TDRD5: variants seen among roughly 807,000 people sequenced by gnomAD.
TDRD5 encodes tudor domain containing 5.
TDRD5 carries 41 observed loss-of-function variants against 120.6 expected under a neutral mutation model. That is an observed-to-expected ratio of 0.34 (90% CI 0.26 to 0.44). TDRD5 has a LOEUF of 0.44. Ranked by LOEUF, TDRD5 falls within the 20% of genes least tolerant of loss-of-function variation. The pLI, the probability that TDRD5 is intolerant of heterozygous loss-of-function variation, is 1.00. For synonymous variants in TDRD5, 430 were observed against 433.7 expected (o/e 0.99, Z 0.11); for missense variants, 1,006 against 1,221.2 (o/e 0.82, Z 2.63).
chr1:179,612,894 C>G (rs2101950073), intron 4 of TDRD5, among the ~76,000 whole-genome samples: 1 of 149,586 alleles, frequency 6.7e-6, no homozygotes, highest in South Asian at 2.1e-4. Flanking sequence ...CGAGACTGTG[C>G]CATTGCACTG....
intron 17 of TDRD5, among the ~76,000 whole-genome samples, chr1:179,687,647 A>G (rs1458066513): frequency 6.6e-6 from 1 of 152,126 alleles, no homozygotes; most frequent in East Asian, 1.9e-4. Flanking sequence ...GTGGGGTGTT[A>G]AAGTCTCCCA....
intron 4 of TDRD5, among the ~76,000 whole-genome samples, chr1:179,617,205 T>C (rs1676606436): frequency 6.6e-6 from 1 of 152,100 alleles, no homozygotes; most frequent in Admixed American, 6.5e-5. Flanking sequence ...ATAAACTTGA[T>C]AGGGAGCCAT....
intron 2 of TDRD5, 62 bp downstream of exon 2, chr1:179,592,909 A>T (rs1472668521): frequency 2.0e-6 from 3 of 1,498,112 alleles, no homozygotes; most frequent in African/African-American, 2.8e-5. Flanking sequence ...TTAGTAAATA[A>T]TTATTCTAGT....
At chr1:179,657,466 A>G (rs1247476549) in intron 14 of TDRD5, among the ~76,000 whole-genome samples, 1 of 151,984 alleles carries the variant, frequency 6.6e-6, no homozygotes, top group Non-Finnish European at 1.5e-5. Context: ...TATCCATTCT[A>G]GGGGGTGTTT....
intron 17 of TDRD5, among the ~76,000 whole-genome samples, chr1:179,676,857 G>A (rs772202845): frequency 2.0e-5 from 3 of 152,120 alleles, no homozygotes; most frequent in Admixed American, 6.5e-5. Flanking sequence ...GAATTTCCCA[G>A]GTGTTCTTTG....
chr1:179,596,902 ACTTTC>A (rs1364291756), intron 4 of TDRD5, among the ~76,000 whole-genome samples: 1 of 152,204 alleles, frequency 6.6e-6, no homozygotes, highest in African/African-American at 2.4e-5. Flanking sequence ...TGGCTGTATG[ACTTTC>A]CTTTCCCATT....
In TDRD5 at chr1:179,637,558, G is replaced by GCT. The variant is rs1238963158; in HGVS notation, c.1520+1672_1520+1673insTC. On this transcript the variant is annotated intron_variant, in intron 9 of 17. Coordinates refer to ENST00000444136, the MANE Select transcript of TDRD5 (RefSeq NM_001199085.3). ...GCCCAGAAGTTCAAGATTCATCTGG[G>GCT]CAACATAGTGAGACCCTGTATCTAC... Among the ~76,000 whole-genome samples the GCT allele has an allele frequency of 3.3e-5, 5 of 152,006 alleles. 1 individual carries two copies. Among genetic ancestry groups the GCT allele is most frequent in the African/African-American group, 1.2e-4 (5 of 41,354 alleles).
intron 11 of TDRD5, among the ~76,000 whole-genome samples, chr1:179,649,506 C>G (rs575514701): frequency 1.3e-5 from 2 of 152,142 alleles, no homozygotes; most frequent in Non-Finnish European, 2.9e-5. Flanking sequence ...TTAATTATAT[C>G]TGATCTGTTA....
chr1:179,615,906 C>A (rs1313153819), intron 4 of TDRD5, among the ~76,000 whole-genome samples: 1 of 151,860 alleles, frequency 6.6e-6, no homozygotes, highest in Non-Finnish European at 1.5e-5. Context: ...TGAGGCTTTG[C>A]AGGCTAAATA....
rs145357231 is a variant in TDRD5 at position 179,592,714 on chromosome 1, G to A, written c.99G>A (p.Lys33=). The part of the protein sequence containing the change: ...KDGLSPQELE[K]EYLLMVGNHL... ...GTTTGAGCCCACAGGAGTTGGAGAA[G>A]GAGTACCTTTTGATGGTTGGCAACC... Residue 33 remains lysine, a synonymous_variant, in exon 2 of 18, where the codon AAG becomes AAA. Coordinates refer to ENST00000444136, the MANE Select transcript of TDRD5 (RefSeq NM_001199085.3). The A allele has an allele frequency of 1.2e-6, 2 of 1,614,004 alleles. No homozygotes were observed. The highest frequency in any genetic ancestry group is 1.7e-5 in the Admixed American group (1 of 59,982).
intron 6 of TDRD5, among the ~76,000 whole-genome samples, chr1:179,624,814 C>T (rs1319380327): frequency 6.6e-6 from 1 of 152,060 alleles, no homozygotes. Context: ...AACATGATAA[C>T]ATTAATGTAT....
intron 4 of TDRD5, among the ~76,000 whole-genome samples, chr1:179,602,153 A>G (rs1309475433): frequency 6.6e-6 from 1 of 152,172 alleles, no homozygotes; most frequent in African/African-American, 2.4e-5. Flanking sequence ...CTTAGCAGCT[A>G]TACTAGTTTA....
At chr1:179,596,564 C>A (rs1039986228) in intron 4 of TDRD5, among the ~76,000 whole-genome samples, 11 of 152,160 alleles carry the variant, frequency 7.2e-5, no homozygotes, top group African/African-American at 2.7e-4. Context: ...TAAATGGAAT[C>A]AAACAATATC....
chr1:179,632,189 AG>A (rs1677494239), intron 7 of TDRD5, among the ~76,000 whole-genome samples: 1 of 152,064 alleles, frequency 6.6e-6, no homozygotes, highest in Non-Finnish European at 1.5e-5. Context: ...TACAGGCGTG[AG>A]ACACCACTCC....
intron 17 of TDRD5, among the ~76,000 whole-genome samples, chr1:179,671,737 C>A (rs1295943822): frequency 6.6e-6 from 1 of 151,970 alleles, no homozygotes; most frequent in East Asian, 1.9e-4. Flanking sequence ...TCCCTCGAAA[C>A]CCCCCACCCT....
At chr1:179,653,912 A>G (rs1466471976) in intron 13 of TDRD5, among the ~76,000 whole-genome samples, 2 of 152,190 alleles carry the variant, frequency 1.3e-5, no homozygotes, top group African/African-American at 4.8e-5. Context: ...GACTGATTCT[A>G]GGTCTTTCCA....
At chr1:179,643,702 C>G (rs1201643848) in intron 11 of TDRD5, among the ~76,000 whole-genome samples, 2 of 152,036 alleles carry the variant, frequency 1.3e-5, no homozygotes, top group African/African-American at 4.8e-5. Context: ...TTAAGGAAGT[C>G]TATGGCTCAA....
At chr1:179,601,117 G>C (rs1282451363) in intron 4 of TDRD5, among the ~76,000 whole-genome samples, 2 of 134,462 alleles carry the variant, frequency 1.5e-5, no homozygotes, top group Admixed American at 1.7e-4. Context: ...AATTAAGTCA[G>C]TTATGTCATT....
At chr1:179,621,456 G>A (rs1427798757) in intron 6 of TDRD5, among the ~76,000 whole-genome samples, 1 of 151,974 alleles carries the variant, frequency 6.6e-6, no homozygotes, top group Non-Finnish European at 1.5e-5. Flanking sequence ...AAAGTTGAAG[G>A]TATGCACCCT....
Sources: allele counts gnomAD v4.1 joint callset (sites outside exome capture counted in the v4.1 genomes callset), GRCh38; gene constraint gnomAD v4.1.1; transcripts MANE v1.5; gene names NCBI Gene and HGNC (gene_info 2026-07-23, HGNC 2026-07-21).